The following LDB2 variants were observed in gnomAD, a reference collection of about 807,000 sequenced individuals.
The protein encoded by LDB2 is LIM domain-binding protein 2.
Under a neutral mutation model 44.3 loss-of-function variants are expected in LDB2, and 12 were observed. That is an observed-to-expected ratio of 0.27 (90% CI 0.17 to 0.44). LDB2 has a LOEUF of 0.44. Ranked by LOEUF, LDB2 falls within the 20% of genes least tolerant of loss-of-function variation. The pLI is 1.00. For synonymous variants in LDB2, 164 were observed against 174.8 expected (o/e 0.94, Z 0.49); for missense variants, 344 against 473.5 (o/e 0.73, Z 2.54).
At chr4:16,674,231 A>T in intron 2 of LDB2, 1 of 1,288,780 alleles carries the variant, frequency 7.8e-7, no homozygotes, top group Non-Finnish European at 1.0e-6. Flanking sequence ...ATTACATGAT[A>T]GGAAATTGTA....
chr4:16,798,961 C>G (rs1777252237), intron 1 of LDB2, among the ~76,000 whole-genome samples: 1 of 152,212 alleles, frequency 6.6e-6, no homozygotes, highest in Non-Finnish European at 1.5e-5. Flanking sequence ...CGCCATTCTC[C>G]TGCCTCAGCC....
At chr4:16,770,314 A>C (rs1435006797) in intron 1 of LDB2, among the ~76,000 whole-genome samples, 1 of 152,168 alleles carries the variant, frequency 6.6e-6, no homozygotes, top group Non-Finnish European at 1.5e-5. Flanking sequence ...TTCAACAAAT[A>C]AATATTTATT....
intron 1 of LDB2, among the ~76,000 whole-genome samples, chr4:16,760,737 G>C (rs893359269): frequency 1.3e-5 from 2 of 152,188 alleles, no homozygotes; most frequent in African/African-American, 2.4e-5. Flanking sequence ...CCACATCTGA[G>C]ACCGTGGCAC....
chr4:16,833,544 CTTTTT>C (rs34692758), intron 1 of LDB2, among the ~76,000 whole-genome samples: 2 of 129,848 alleles, frequency 1.5e-5, no homozygotes, highest in African/African-American at 3.0e-5. Flanking sequence ...ATCTTTTCCT[CTTTTT>C]TTTTTTTTTT....
intron 2 of LDB2, among the ~76,000 whole-genome samples, chr4:16,749,030 TTAAA>T (rs1156239558): frequency 1.3e-5 from 2 of 152,094 alleles, no homozygotes; most frequent in Admixed American, 6.5e-5. Context: ...TTGAGGAAGG[TTAAA>T]TAAATAAATA....
intron 5 of LDB2, among the ~76,000 whole-genome samples, chr4:16,549,065 A>C (rs543119272): frequency 1.3e-5 from 2 of 152,302 alleles, no homozygotes; most frequent in African/African-American, 4.8e-5. Flanking sequence ...ATGACCTAGA[A>C]TTATTGAAGG....
At chr4:16,840,855 T>C (rs1470845417) in intron 1 of LDB2, among the ~76,000 whole-genome samples, 1 of 152,230 alleles carries the variant, frequency 6.6e-6, no homozygotes, top group Non-Finnish European at 1.5e-5. Flanking sequence ...TCTCTTTCTC[T>C]GCCTGCAGTA....
chr4:16,840,745 A>G (rs918603479), intron 1 of LDB2, among the ~76,000 whole-genome samples: 1 of 152,266 alleles, frequency 6.6e-6, no homozygotes, highest in South Asian at 2.1e-4. Flanking sequence ...AATGTATTAT[A>G]GCACTTGATG....
At chr4:16,508,400 T>C in intron 7 of LDB2, 135 bp downstream of exon 7, 1 of 757,004 alleles carries the variant, frequency 1.3e-6, no homozygotes, top group Non-Finnish European at 2.0e-6. Context: ...TCTGTCCCTG[T>C]CTTTTATCCC....
At chr4:16,718,149 C>T (rs866567480) in intron 2 of LDB2, among the ~76,000 whole-genome samples, 1 of 151,998 alleles carries the variant, frequency 6.6e-6, no homozygotes, top group Non-Finnish European at 1.5e-5. Flanking sequence ...TTTACTCACT[C>T]AACCCACCAA....
At chr4:16,778,641 A>C (rs1772490537) in intron 1 of LDB2, among the ~76,000 whole-genome samples, 2 of 152,138 alleles carry the variant, frequency 1.3e-5, no homozygotes, top group Admixed American at 1.3e-4. Flanking sequence ...CCCAATTACT[A>C]CCTGTTGATA....
intron 2 of LDB2, among the ~76,000 whole-genome samples, chr4:16,606,963 A>G (rs1225889520): frequency 6.6e-6 from 1 of 152,256 alleles, no homozygotes; most frequent in African/African-American, 2.4e-5. Context: ...ACCAGGAATC[A>G]TCAACCGTTA....
intron 1 of LDB2, among the ~76,000 whole-genome samples, chr4:16,831,720 A>G: frequency 6.6e-6 from 1 of 152,212 alleles, no homozygotes; most frequent in East Asian, 1.9e-4. Flanking sequence ...GTAATTGGAC[A>G]CTTGGATATT....
intron 3 of LDB2, among the ~76,000 whole-genome samples, chr4:16,589,398 T>C (rs1481843461): frequency 1.3e-5 from 2 of 152,104 alleles, no homozygotes; most frequent in African/African-American, 4.8e-5. Context: ...GTGGAGAGTA[T>C]TTTCCTTGAA....
At chr4:16,591,418 T>C (rs1474640851) in intron 3 of LDB2, among the ~76,000 whole-genome samples, 1 of 152,184 alleles carries the variant, frequency 6.6e-6, no homozygotes, top group Non-Finnish European at 1.5e-5. Flanking sequence ...GGCCTTGGGC[T>C]CCTCCTAGTT....
At position 16,582,685 on chromosome 4, in the gene LDB2, C is replaced by T. The variant is rs1442339353; in HGVS notation, c.615+3237G>A. Among the ~76,000 whole-genome samples, 1 of 152,180 alleles carries T rather than the reference C, an allele frequency of 6.6e-6. No homozygotes were observed. Among genetic ancestry groups the T allele is most frequent in the African/African-American group, 2.4e-5 (1 of 41,442 alleles). On this transcript the variant is annotated intron_variant, in intron 5 of 7. Transcript: ENST00000304523. The surrounding 1 kb of genome is among the most constrained non-coding windows in gnomAD (Gnocchi z 4.8). ...CCAGCTCTGGCTTGGATAACTGCTGCAGGGACACTCAGTCAGCAAGCCACA... is the reference window on the plus strand; with the variant it reads ...CCAGCTCTGGCTTGGATAACTGCTGTAGGGACACTCAGTCAGCAAGCCACA...
intron 1 of LDB2, among the ~76,000 whole-genome samples, chr4:16,877,626 C>T (rs1718821291): frequency 6.6e-6 from 1 of 152,100 alleles, no homozygotes; most frequent in Admixed American, 6.5e-5. Flanking sequence ...TAGAAGAAAC[C>T]TGGATTCAGG....
intron 5 of LDB2, among the ~76,000 whole-genome samples, chr4:16,544,677 C>T (rs1430675170): frequency 3.9e-5 from 6 of 152,012 alleles, no homozygotes; most frequent in African/African-American, 1.2e-4. Flanking sequence ...AAAACACCAG[C>T]GACATTGGCC....
intron 1 of LDB2, among the ~76,000 whole-genome samples, chr4:16,820,948 C>G (rs116510632): frequency 0.019 from 2,940 of 152,268 alleles, 60 homozygotes; most frequent in Non-Finnish European, 0.028. Context: ...GGCAAATTTC[C>G]ATTGGCAATG....
Sources: allele counts gnomAD v4.1 joint callset (sites outside exome capture counted in the v4.1 genomes callset), GRCh38; gene constraint gnomAD v4.1.1; non-coding constraint Gnocchi (gnomAD v3.1); transcripts MANE v1.5; gene names NCBI Gene and HGNC (gene_info 2026-07-23, HGNC 2026-07-21).